Variants in GSK3B observed in about 807,000 individuals in gnomAD.
The protein encoded by GSK3B is glycogen synthase kinase 3 beta.
In GSK3B, 15 loss-of-function variants were observed where a neutral mutation model predicts 56.4. The observed-to-expected ratio is 0.27, with a 90% CI of 0.18 to 0.41. GSK3B has a LOEUF of 0.41. Among genes scored for constraint, GSK3B ranks in the 10% least tolerant of loss-of-function variants. The probability of loss-of-function intolerance (pLI) is 1.00; values close to 1 mark genes in which losing one functional copy is unlikely to be tolerated. For synonymous variants in GSK3B, 181 were observed against 188.9 expected (o/e 0.96, Z 0.34); for missense variants, 300 against 513.4 (o/e 0.58, Z 4.02).
intron 1 of GSK3B, among the ~76,000 whole-genome samples, chr3:120,026,860 C>T (rs1475355199): frequency 3.3e-5 from 5 of 151,784 alleles, no homozygotes; most frequent in African/African-American, 4.8e-5. Flanking sequence ...GCCCGACCCA[C>T]GTTGGTTTTT....
chr3:119,845,368 A>G (rs140984020), intron 9 of GSK3B, among the ~76,000 whole-genome samples: 92 of 152,350 alleles, frequency 6.0e-4, no homozygotes, highest in African/African-American at 2.1e-3. Flanking sequence ...GAAAAGAGGA[A>G]GTCAAATTAT....
chr3:120,049,143 C>G (rs1225815920), intron 1 of GSK3B, among the ~76,000 whole-genome samples: 2 of 152,200 alleles, frequency 1.3e-5, no homozygotes, highest in African/African-American at 4.8e-5. Context: ...TAATCAGTAT[C>G]TGTACCTACT....
At chr3:119,835,589 T>C (rs2055678431) in intron 10 of GSK3B, among the ~76,000 whole-genome samples, 1 of 152,242 alleles carries the variant, frequency 6.6e-6, no homozygotes, top group Non-Finnish European at 1.5e-5. Flanking sequence ...TGTGATTATC[T>C]TTGAAAGTAG....
At chr3:119,847,385 C>T (rs1469721556) in intron 9 of GSK3B, among the ~76,000 whole-genome samples, 1 of 152,112 alleles carries the variant, frequency 6.6e-6, no homozygotes, top group Non-Finnish European at 1.5e-5. Flanking sequence ...GAGGCTGAGG[C>T]AGGAGAATTG....
intron 10 of GSK3B, among the ~76,000 whole-genome samples, chr3:119,836,259 A>G (rs985190584): frequency 6.6e-6 from 1 of 152,212 alleles, no homozygotes; most frequent in Admixed American, 6.5e-5. Flanking sequence ...AATAATCTCA[A>G]TGCAAATAAA....
chr3:119,865,603 G>A (rs1347786696), intron 8 of GSK3B, among the ~76,000 whole-genome samples: 2 of 149,922 alleles, frequency 1.3e-5, no homozygotes, highest in African/African-American at 4.9e-5. Context: ...CCGAGTAGCT[G>A]GGACTACAGG....
chr3:119,863,264 G>A (rs1410465628), intron 9 of GSK3B, among the ~76,000 whole-genome samples, 155 bp downstream of exon 9: 1 of 152,196 alleles, frequency 6.6e-6, no homozygotes, highest in Non-Finnish European at 1.5e-5. Flanking sequence ...CATGTAAGTA[G>A]TGGCCAGTAA....
intron 1 of GSK3B, among the ~76,000 whole-genome samples, chr3:120,027,583 C>G (rs1183383668): frequency 6.6e-6 from 1 of 152,120 alleles, no homozygotes; most frequent in East Asian, 1.9e-4. Context: ...ATTAGGTAAA[C>G]TATGATACAC....
At chr3:119,984,877 A>C (rs2057500102) in intron 2 of GSK3B, among the ~76,000 whole-genome samples, 1 of 152,200 alleles carries the variant, frequency 6.6e-6, no homozygotes, top group South Asian at 2.1e-4. Flanking sequence ...CCTGGCAGAG[A>C]CACAACAAAA....
At chr3:119,853,461 G>A (rs1476842416) in intron 9 of GSK3B, among the ~76,000 whole-genome samples, 1 of 152,160 alleles carries the variant, frequency 6.6e-6, no homozygotes, top group Non-Finnish European at 1.5e-5. Context: ...TGTGAAGAAA[G>A]TCATTGGTAG....
chr3:119,893,800 T>A (rs1409644873), intron 7 of GSK3B, among the ~76,000 whole-genome samples: 1 of 152,028 alleles, frequency 6.6e-6, no homozygotes, highest in African/African-American at 2.4e-5. Context: ...TAGTCAGGGT[T>A]TATTGCCTTC....
chr3:120,085,608 T>C (rs1291806221), intron 1 of GSK3B, among the ~76,000 whole-genome samples: 1 of 152,204 alleles, frequency 6.6e-6, no homozygotes, highest in East Asian at 1.9e-4. Context: ...AGGACTAGTC[T>C]GGCCAACATG....
intron 7 of GSK3B, among the ~76,000 whole-genome samples, chr3:119,893,953 TAC>T (rs765304530): frequency 5.9e-5 from 9 of 152,070 alleles, no homozygotes; most frequent in Non-Finnish European, 1.0e-4. Flanking sequence ...TTACTACATT[TAC>T]AGAGGTGTGC....
intron 1 of GSK3B, among the ~76,000 whole-genome samples, chr3:120,018,723 A>T (rs1278972430): frequency 1.3e-5 from 2 of 152,226 alleles, no homozygotes; most frequent in African/African-American, 4.8e-5. Context: ...ATCTTCTAAT[A>T]TAAACTGCAA....
At chr3:119,858,702 T>C (rs2108027890) in intron 9 of GSK3B, among the ~76,000 whole-genome samples, 1 of 152,342 alleles carries the variant, frequency 6.6e-6, no homozygotes, top group South Asian at 2.1e-4. Context: ...GCCTAGCTTT[T>C]GGCCTATCTC....
intron 2 of GSK3B, among the ~76,000 whole-genome samples, chr3:119,975,777 T>G (rs748858198): frequency 6.6e-6 from 1 of 152,172 alleles, no homozygotes; most frequent in Non-Finnish European, 1.5e-5. Context: ...TAATAATGTA[T>G]AAATAATGGT....
chr3:120,087,486 C>T (rs1464630878), intron 1 of GSK3B, among the ~76,000 whole-genome samples: 2 of 151,510 alleles, frequency 1.3e-5, no homozygotes, highest in African/African-American at 4.9e-5. Context: ...AAGCCCAGAT[C>T]ACGCCATGGC....
intron 2 of GSK3B, among the ~76,000 whole-genome samples, chr3:119,997,797 G>T (rs1014669665): frequency 3.3e-5 from 5 of 152,040 alleles, no homozygotes; most frequent in Admixed American, 3.3e-4. Context: ...ATGTATATAT[G>T]GTAACATAAT....
intron 7 of GSK3B, among the ~76,000 whole-genome samples, chr3:119,900,458 T>C (rs887946334): frequency 1.3e-5 from 2 of 152,152 alleles, no homozygotes; most frequent in African/African-American, 4.8e-5. Context: ...GATAGTTTAA[T>C]CCAGAAATTA....
Sources: allele counts gnomAD v4.1 joint callset (sites outside exome capture counted in the v4.1 genomes callset), GRCh38; gene constraint gnomAD v4.1.1; transcripts MANE v1.5; gene names NCBI Gene and HGNC (gene_info 2026-07-23, HGNC 2026-07-21).